SIPA1L2: variants seen among roughly 807,000 people sequenced by gnomAD.
SIPA1L2 encodes the protein signal-induced proliferation-associated 1-like protein 2.
Under a neutral mutation model 163.9 loss-of-function variants are expected in SIPA1L2, and 56 were observed. The observed-to-expected ratio is 0.34, with a 90% confidence interval of 0.28 to 0.43. The LOEUF (loss-of-function observed/expected upper bound fraction) is 0.43. SIPA1L2 is among the 20% of genes least tolerant of loss of function. SIPA1L2 has a pLI of 1.00. For synonymous variants in SIPA1L2, 877 were observed against 865.7 expected (o/e 1.01, Z -0.23); for missense variants, 1,974 against 2,193.5 (o/e 0.90, Z 2.00).
At chr1:232,570,740 A>G (rs568347163) in intron 2 of SIPA1L2, among the ~76,000 whole-genome samples, 1 of 152,212 alleles carries the variant, frequency 6.6e-6, no homozygotes, top group African/African-American at 2.4e-5. Context: ...CAAACAGTAA[A>G]AATATAAATA....
At chr1:232,399,750 G>A (rs1553274915) in intron 22 of SIPA1L2, among the ~76,000 whole-genome samples, 1 of 152,050 alleles carries the variant, frequency 6.6e-6, no homozygotes, top group Non-Finnish European at 1.5e-5. Flanking sequence ...CTTAAAATCT[G>A]CTATTAAAAA....
intron 1 of SIPA1L2, among the ~76,000 whole-genome samples, chr1:232,595,319 C>T (rs1337342625): frequency 2.0e-5 from 3 of 151,792 alleles, no homozygotes; most frequent in Non-Finnish European, 2.9e-5. Flanking sequence ...GGCCTTCACT[C>T]TAATAAACTG....
At chr1:232,606,603 A>G (rs1259707387) in intron 1 of SIPA1L2, among the ~76,000 whole-genome samples, 1 of 149,644 alleles carries the variant, frequency 6.7e-6, no homozygotes, top group Non-Finnish European at 1.5e-5. Context: ...GGGCCTTACC[A>G]ATGAATTATA....
At chr1:232,539,573 C>A (rs1181723734) in intron 2 of SIPA1L2, among the ~76,000 whole-genome samples, 1 of 152,134 alleles carries the variant, frequency 6.6e-6, no homozygotes, top group Non-Finnish European at 1.5e-5. Context: ...CATCACCAGG[C>A]CAATATGCAT....
intron 1 of SIPA1L2, among the ~76,000 whole-genome samples, chr1:232,591,800 C>G (rs191590314): frequency 2.6e-5 from 4 of 152,318 alleles, no homozygotes; most frequent in Admixed American, 6.5e-5. Flanking sequence ...ACGGAGGTTG[C>G]TCTACTTCAA....
chr1:232,481,425 T>A (rs531821264), intron 6 of SIPA1L2, among the ~76,000 whole-genome samples: 1 of 152,082 alleles, frequency 6.6e-6, no homozygotes, highest in South Asian at 2.1e-4. Context: ...TGATATTAGG[T>A]TTCAGATTTA....
At chr1:232,454,701 C>T (rs991815059) in intron 10 of SIPA1L2, among the ~76,000 whole-genome samples, 1 of 152,186 alleles carries the variant, frequency 6.6e-6, no homozygotes, top group African/African-American at 2.4e-5. Flanking sequence ...CCATCCTCTG[C>T]ATTCCTCTTA....
intron 3 of SIPA1L2, among the ~76,000 whole-genome samples, chr1:232,506,232 G>T (rs1276013352): frequency 3.3e-5 from 5 of 152,186 alleles, no homozygotes; most frequent in Non-Finnish European, 7.3e-5. Flanking sequence ...TTTTTAGAGG[G>T]AAAAGTCTTA....
chr1:232,457,807 C>T (rs12409421), intron 10 of SIPA1L2, among the ~76,000 whole-genome samples: 45,778 of 152,040 alleles, frequency 0.3, 7,521 homozygotes, highest in East Asian at 0.58. Context: ...GAAAATGACA[C>T]TTCATACTTA....
chr1:232,518,017 A>G (rs1667291113), intron 2 of SIPA1L2, among the ~76,000 whole-genome samples: 1 of 152,210 alleles, frequency 6.6e-6, no homozygotes, highest in South Asian at 2.1e-4. Flanking sequence ...ACTGCACCCC[A>G]GCATGGGCAA....
At chr1:232,502,423 A>C (rs1236080696) in intron 3 of SIPA1L2, among the ~76,000 whole-genome samples, 1 of 152,198 alleles carries the variant, frequency 6.6e-6, no homozygotes, top group Non-Finnish European at 1.5e-5. Context: ...GAATCACCTG[A>C]GAGGTTACAC....
chr1:232,413,439 C>A (rs1478791083), intron 19 of SIPA1L2, among the ~76,000 whole-genome samples: 2 of 152,064 alleles, frequency 1.3e-5, no homozygotes, highest in African/African-American at 2.4e-5. Flanking sequence ...TCATTCTGTT[C>A]TGAAGGAACA....
chr1:232,588,993 A>T (rs1253109619), intron 1 of SIPA1L2, among the ~76,000 whole-genome samples: 1 of 151,902 alleles, frequency 6.6e-6, no homozygotes, highest in Non-Finnish European at 1.5e-5. Flanking sequence ...ATAAACAAAA[A>T]CTCTTTGGAG....
intron 2 of SIPA1L2, among the ~76,000 whole-genome samples, chr1:232,539,782 C>T (rs1230769674): frequency 1.3e-5 from 2 of 152,210 alleles, no homozygotes; most frequent in East Asian, 1.9e-4. Flanking sequence ...CGACAGCCCT[C>T]TTACTTCAGA....
At chr1:232,552,896 T>G (rs1573071946) in intron 2 of SIPA1L2, among the ~76,000 whole-genome samples, 1 of 152,090 alleles carries the variant, frequency 6.6e-6, no homozygotes, top group African/African-American at 2.4e-5. Context: ...CACAGGCAGG[T>G]GCAGGAACCA....
chr1:232,548,805 T>C (rs1438320714), intron 2 of SIPA1L2, among the ~76,000 whole-genome samples: 3 of 152,132 alleles, frequency 2.0e-5, no homozygotes, highest in East Asian at 3.9e-4. Flanking sequence ...CACAGAAGGA[T>C]GGCATGGATC....
At chr1:232,414,279 T>A (rs573653340) in intron 19 of SIPA1L2, among the ~76,000 whole-genome samples, 117 of 152,288 alleles carry the variant, frequency 7.7e-4, no homozygotes, top group Non-Finnish European at 1.2e-3. Context: ...GAGAGTGGAT[T>A]CCAACTCCTG....
At chr1:232,540,894 G>C (rs1657617731) in intron 2 of SIPA1L2, among the ~76,000 whole-genome samples, 2 of 152,162 alleles carry the variant, frequency 1.3e-5, no homozygotes, top group South Asian at 4.1e-4. Context: ...GTTATATCAA[G>C]TCTTTAGGAA....
At position 232,453,149 on chromosome 1, in the gene SIPA1L2, C is replaced by A. The variant is rs539298952; in HGVS notation, c.3096-7363G>T. Among the ~76,000 whole-genome samples, 58 of 152,232 alleles carry A rather than the reference C, an allele frequency of 3.8e-4. 1 individual carries two copies. Among genetic ancestry groups the A allele is most frequent in the African/African-American group, 1.3e-3 (56 of 41,542 alleles). ...TGTAGAACAATATATATCATTATCC[C>A]ATTATTTTATTCTTTTCATCTTACA... is the stretch of plus-strand genomic sequence containing the variant. On this transcript the variant is annotated intron_variant, in intron 10 of 22. Coordinates refer to ENST00000674635, the MANE Select transcript of SIPA1L2 (RefSeq NM_020808.5).
Sources: gnomAD v4.1 joint callset for allele counts (sites outside exome capture counted in the v4.1 genomes callset) on GRCh38, gnomAD v4.1.1 for gene constraint, MANE v1.5 for transcripts, NCBI Gene and HGNC (gene_info 2026-07-23, HGNC 2026-07-21) for gene names.